Variants in GOLGB1 observed in about 807,000 individuals in gnomAD.
The protein encoded by GOLGB1 is golgin subfamily B member 1.
A neutral mutation model predicts 336.9 loss-of-function variants in GOLGB1; 174 were observed. The ratio of observed to expected loss-of-function variants is 0.52; its 90% CI spans 0.46 to 0.59. The LOEUF (loss-of-function observed/expected upper bound fraction) is 0.59. Among genes scored for constraint, GOLGB1 ranks in the 20% least tolerant of loss-of-function variants. GOLGB1 has a pLI of 0.00. For synonymous variants in GOLGB1, 1,208 were observed against 1,289.2 expected (o/e 0.94, Z 1.35); for missense variants, 3,331 against 3,645.3 (o/e 0.91, Z 2.22).
At position 121,694,896 on chromosome 3, in the gene GOLGB1, T is replaced by C; in HGVS notation, c.5627A>G (p.Asn1876Ser). 6.2e-7 allele frequency: 1 copy of C among 1,613,854 alleles called. No individual in the cohort carries two copies. Among genetic ancestry groups the C allele is most frequent in the Non-Finnish European group, 8.5e-7 (1 of 1,179,758 alleles). Residue 1876 changes from asparagine (N) to serine (S), a missense_variant, in exon 13 of 22, where the codon AAT becomes AGT. Asn to Ser is a conservative substitution (Grantham distance 46). Transcript: ENST00000614479. ...TGTTGATATCTGACTCAGTAAGGTA[T>C]TTTTCTCATTTTCTAAAGTCTGGCT... ...EFSQTLENEK[N>S]TLLSQISTKD...
intron 17 of GOLGB1, among the ~76,000 whole-genome samples, chr3:121,673,073 GTT>G (rs368721459): frequency 1.4e-5 from 2 of 140,940 alleles, no homozygotes; most frequent in Non-Finnish European, 1.6e-5. Context: ...TTGTTTTTTG[GTT>G]TTTTTTTTTT....
rs116186804 is a variant in GOLGB1, at chr3:121,691,518, T to C, written c.7846A>G (p.Ile2616Val). The change falls in exon 14 of 22, where the codon ATA (isoleucine) becomes GTA (valine). Residue 2616 changes from isoleucine (I) to valine (V), a missense_variant. By Grantham distance (29) the Ile-to-Val change is conservative. Transcript: ENST00000614479. ...GTTACTTGTCTTGTTAGCTGGGATATAGATACTTTCAAACTCTCAATCTCT... is the reference window on the plus strand; with the variant it reads ...GTTACTTGTCTTGTTAGCTGGGATACAGATACTTTCAAACTCTCAATCTCT... Reference protein sequence around the residue: ...SKEIESLKVSISQLTRQVTAL... With the variant: ...SKEIESLKVSVSQLTRQVTAL... 864 of 1,612,532 alleles carry C rather than the reference T, an allele frequency of 5.4e-4. 3 individuals are homozygous for C. In the East Asian group the frequency reaches 6.0e-3, roughly 11 times the overall value.
chr3:121,701,751 A>G (rs1475386494), intron 11 of GOLGB1, among the ~76,000 whole-genome samples: 1 of 152,122 alleles, frequency 6.6e-6, no homozygotes, highest in African/African-American at 2.4e-5. Flanking sequence ...GTGGTATACT[A>G]GTTTTGGGTA....
chr3:121,717,076 T>C lies in GOLGB1; in HGVS notation c.949A>G (p.Thr317Ala), dbSNP rs1440100870. The C allele has an allele frequency of 6.2e-7, 1 of 1,613,142 alleles. No individual in the cohort carries two copies. The highest frequency in any genetic ancestry group is 1.7e-5 in the Admixed American group (1 of 60,020). Residue 317 changes from threonine to alanine, a missense_variant, in exon 9 of 22, where the codon ACA becomes GCA. Transcript: ENST00000614479. ...AGAATCTTGGACTCCTCTCTTTCTG[T>C]TTCCACAGTGTTCCTCAAAGTATTA... is the stretch of plus-strand genomic sequence containing the variant. ...EHNTLRNTVE[T>A]EREESKILLE...
At chr3:121,668,702 G>C (rs1939063641) in intron 18 of GOLGB1, among the ~76,000 whole-genome samples, 1 of 145,892 alleles carries the variant, frequency 6.9e-6, no homozygotes, top group Non-Finnish European at 1.5e-5. Flanking sequence ...AAAAAGTTAA[G>C]TCTGCTGTGG....
intron 8 of GOLGB1, among the ~76,000 whole-genome samples, 184 bp downstream of exon 8, chr3:121,718,204 T>C (rs994780839): frequency 3.9e-5 from 6 of 152,164 alleles, no homozygotes; most frequent in African/African-American, 1.4e-4. Flanking sequence ...GAAAGAACTG[T>C]ATTTAGTTTT....
In GOLGB1 at chr3:121,727,043, T is replaced by C; in HGVS notation, c.403-2A>G. On this transcript the variant is annotated splice_acceptor_variant, in intron 4 of 21. Transcript: ENST00000614479. LOFTEE classifies it high-confidence loss of function. ...TTCCTCTGTAGAACTCTTGTCATGC[T>C]GAAAATGCAGGAGATAAAGTCATTA... is the stretch of plus-strand genomic sequence containing the variant. The C allele has an allele frequency of 4.6e-6, 7 of 1,536,400 alleles. No homozygotes were observed. Among genetic ancestry groups the C allele is most frequent in the Non-Finnish European group, 6.2e-6 (7 of 1,124,408 alleles).
chr3:121,703,074 T>C (rs943857265), intron 10 of GOLGB1, among the ~76,000 whole-genome samples: 1 of 152,230 alleles, frequency 6.6e-6, no homozygotes, highest in African/African-American at 2.4e-5. Context: ...CCAAGTATAA[T>C]AAAAATTCCC....
Position 121,726,985 on chromosome 3 carries a change from G to A in GOLGB1, c.459C>T (p.Leu153=), listed in dbSNP as rs1160800360. The change falls in exon 5 of 22, where the codon CTC becomes CTT. Residue 153 remains leucine, a synonymous_variant. Transcript: ENST00000614479. ...TGCTGATTAGTTCCTCCTTCTCCTGGAGCTTATGTTTTATCTTTTCTATTT... is the reference window on the plus strand; with the variant it reads ...TGCTGATTAGTTCCTCCTTCTCCTGAAGCTTATGTTTTATCTTTTCTATTT... ...EMEIEKIKHK[L]QEKEELISTL... is the part of the protein sequence containing the mutation. The A allele has an allele frequency of 6.2e-7, 1 of 1,602,668 alleles. No homozygotes were observed. Among genetic ancestry groups the A allele is most frequent in the East Asian group, 2.3e-5 (1 of 44,358 alleles).
intron 12 of GOLGB1, 145 bp downstream of exon 12, chr3:121,699,667 C>T (rs1451441740): frequency 8.5e-6 from 4 of 470,632 alleles, no homozygotes; most frequent in Middle Eastern, 3.0e-4. Flanking sequence ...GATATAATAA[C>T]CATTATGAAT....
At chr3:121,728,234 A>G (rs916642770) in intron 4 of GOLGB1, among the ~76,000 whole-genome samples, 11 of 152,280 alleles carry the variant, frequency 7.2e-5, no homozygotes, top group Middle Eastern at 3.4e-3. Context: ...CAATTCAGGG[A>G]AAGTAATGTT....
intron 10 of GOLGB1, among the ~76,000 whole-genome samples, chr3:121,710,286 T>C (rs930648009): frequency 6.6e-6 from 1 of 151,554 alleles, no homozygotes; most frequent in Admixed American, 6.6e-5. Context: ...TCTCATAAAA[T>C]AGAAAGAAAG....
At chr3:121,719,818 G>A (rs1462812644) in intron 6 of GOLGB1, 50 bp from the exon 7 acceptor site, 1 of 1,482,764 alleles carries the variant, frequency 6.7e-7, no homozygotes, top group African/African-American at 1.4e-5. Flanking sequence ...CCCGAATATT[G>A]CACAAATAAA....
intron 10 of GOLGB1, among the ~76,000 whole-genome samples, chr3:121,713,749 G>A (rs1944534126): frequency 6.6e-6 from 1 of 152,056 alleles, no homozygotes. Flanking sequence ...CTTCAGATCT[G>A]TGCATTTAAA....
In GOLGB1 at chr3:121,718,460, T is replaced by G. The variant is rs778194478; in HGVS notation, c.813A>C (p.Glu271Asp). Residue 271 changes from glutamate (E) to aspartate (D), a missense_variant, in exon 8 of 22, where the codon GAA (glutamate) becomes GAC (aspartate). Coordinates refer to ENST00000614479, the MANE Select transcript of GOLGB1 (RefSeq NM_001366282.2). ...VLQRKLEEHE[E>D]SLVGRAQVVD... is the part of the protein sequence containing the mutation. The stretch of plus-strand genomic sequence containing the variant: ...CGACCTGAGCACGGCCCACCAAGGA[T>G]TCTTCGTGTTCCTCAAGCTTCCTTT... 3.1e-6 allele frequency: 5 copies of G among 1,614,018 alleles called. No homozygotes were observed. In the East Asian group the frequency reaches 8.9e-5, roughly 29 times the overall value.
chr3:121,693,284 C>T (rs762771491), intron 13 of GOLGB1, among the ~76,000 whole-genome samples: 10 of 152,142 alleles, frequency 6.6e-5, no homozygotes, highest in East Asian at 1.9e-4. Flanking sequence ...GTCAGGAGTT[C>T]GAGACCAGCC....
rs922245927 is a variant in GOLGB1 at position 121,676,057 on chromosome 3, T to C, written c.9177+836A>G. ...CAGACAAATCTACCAATAAAGAGTC[T>C]ACAGTTTAACTAATTCATTTGGGCC... On this transcript the variant is annotated intron_variant, in intron 17 of 21. Transcript: ENST00000614479. Among the ~76,000 whole-genome samples the C allele has an allele frequency of 1.2e-4, 18 of 152,340 alleles. No homozygotes were observed. In the East Asian group the frequency reaches 1.3e-3, roughly 11 times the overall value.
intron 4 of GOLGB1, among the ~76,000 whole-genome samples, chr3:121,728,100 CCA>C (rs1321280603): frequency 1.3e-5 from 2 of 151,774 alleles, no homozygotes; most frequent in African/African-American, 4.8e-5. Context: ...GTTGGTGCTA[CCA>C]CAGTGAGGGG....
At chr3:121,688,606 AC>A (rs1293639547) in intron 14 of GOLGB1, among the ~76,000 whole-genome samples, 2 of 150,756 alleles carry the variant, frequency 1.3e-5, no homozygotes, top group African/African-American at 4.9e-5. Flanking sequence ...CCCCGCCGCC[AC>A]CCCGTCTGGG....
Sources: gnomAD v4.1 joint callset for allele counts (sites outside exome capture counted in the v4.1 genomes callset) on GRCh38, gnomAD v4.1.1 for gene constraint, MANE v1.5 for transcripts, NCBI Gene and HGNC (gene_info 2026-07-23, HGNC 2026-07-21) for gene names.